UBAC2: variants seen among roughly 807,000 people sequenced by gnomAD.
UBAC2 encodes the protein ubiquitin-associated domain-containing protein 2.
In UBAC2, 26 loss-of-function variants were observed where a neutral mutation model predicts 44.0. The ratio of observed to expected loss-of-function variants is 0.59; its 90% CI spans 0.43 to 0.82. UBAC2 has a LOEUF of 0.82. UBAC2 is among the 40% of genes least tolerant of loss of function. The probability of loss-of-function intolerance (pLI) is 0.00; values close to 1 mark genes in which losing one functional copy is unlikely to be tolerated. For missense variants in UBAC2, 329 were observed against 419.4 expected, an observed-to-expected ratio of 0.78 and a Z score of 1.88; for synonymous variants, 155 against 154.3, an observed-to-expected ratio of 1.00 and a Z score of -0.04.
intron 8 of UBAC2, among the ~76,000 whole-genome samples, chr13:99,373,329 A>C (rs1245537317): frequency 6.6e-6 from 1 of 152,158 alleles, no homozygotes; most frequent in African/African-American, 2.4e-5. Flanking sequence ...CCCAAAGCTT[A>C]GAAAATGACT....
intron 4 of UBAC2, among the ~76,000 whole-genome samples, chr13:99,297,692 GAAA>G (rs1173322795): frequency 5.9e-5 from 9 of 151,806 alleles, no homozygotes; most frequent in Non-Finnish European, 1.3e-4. Context: ...GAGACAATGG[GAAA>G]AAAACAAAGA....
chr13:99,207,411 A>G (rs560006354), intron 1 of UBAC2, among the ~76,000 whole-genome samples: 1 of 152,292 alleles, frequency 6.6e-6, no homozygotes, highest in South Asian at 2.1e-4. Flanking sequence ...CAACAACTCT[A>G]TCATGTACCT....
intron 8 of UBAC2, among the ~76,000 whole-genome samples, chr13:99,380,266 G>A (rs115308847): frequency 8.1e-4 from 123 of 152,240 alleles, no homozygotes; most frequent in African/African-American, 2.8e-3. Flanking sequence ...GCACGTCTGC[G>A]CAGGCCTCAA....
chr13:99,216,110 G>GTGTGTA (rs2042992433), intron 1 of UBAC2, among the ~76,000 whole-genome samples: 1 of 140,120 alleles, frequency 7.1e-6, no homozygotes, highest in Admixed American at 7.2e-5. Flanking sequence ...GTGTGTGTGT[G>GTGTGTA]TGTATTTTTG....
intron 6 of UBAC2, among the ~76,000 whole-genome samples, chr13:99,322,412 C>G (rs140834147): frequency 2.0e-5 from 3 of 152,328 alleles, no homozygotes; most frequent in African/African-American, 7.2e-5. Context: ...CCCTAATTCT[C>G]AAAAGCCGAG....
At chr13:99,233,857 G>A (rs1256451761) in intron 1 of UBAC2, among the ~76,000 whole-genome samples, 1 of 152,124 alleles carries the variant, frequency 6.6e-6, no homozygotes, top group East Asian at 1.9e-4. Flanking sequence ...TGAAGCGTAA[G>A]TATTTCATTA....
intron 4 of UBAC2, among the ~76,000 whole-genome samples, chr13:99,259,155 A>G (rs1172337099): frequency 6.6e-6 from 1 of 152,212 alleles, no homozygotes; most frequent in African/African-American, 2.4e-5. Flanking sequence ...TGAGCAACGA[A>G]TCGCTGCCTG....
chr13:99,224,247 G>C (rs1195371064), intron 1 of UBAC2, among the ~76,000 whole-genome samples: 1 of 152,004 alleles, frequency 6.6e-6, no homozygotes, highest in African/African-American at 2.4e-5. Flanking sequence ...AGCATCCCTG[G>C]GTCCCTCCCT....
At chr13:99,324,212 A>C (rs1459999644) in intron 6 of UBAC2, among the ~76,000 whole-genome samples, 1 of 152,218 alleles carries the variant, frequency 6.6e-6, no homozygotes, top group Non-Finnish European at 1.5e-5. Flanking sequence ...TTGTTCAAAT[A>C]TATTTGGTCA....
At chr13:99,360,355 A>G (rs1269719492) in intron 7 of UBAC2, among the ~76,000 whole-genome samples, 1 of 152,254 alleles carries the variant, frequency 6.6e-6, no homozygotes, top group Non-Finnish European at 1.5e-5. Flanking sequence ...AATGTTTCAC[A>G]TGAATTAACT....
chr13:99,327,713 TTTG>T (rs1030930715), intron 6 of UBAC2, among the ~76,000 whole-genome samples: 1 of 152,246 alleles, frequency 6.6e-6, no homozygotes, highest in Admixed American at 6.5e-5. Context: ...GCAGAAGTTT[TTTG>T]TTGTTAAAAG....
intron 4 of UBAC2, among the ~76,000 whole-genome samples, chr13:99,312,219 G>A (rs1212084274): frequency 6.6e-6 from 1 of 152,234 alleles, no homozygotes; most frequent in Non-Finnish European, 1.5e-5. Context: ...TTGCGCAAGA[G>A]GCCAGGAGGG....
At chr13:99,242,834 C>T (rs1300076329) in intron 2 of UBAC2, among the ~76,000 whole-genome samples, 3 of 136,308 alleles carry the variant, frequency 2.2e-5, no homozygotes, top group South Asian at 2.5e-4. Context: ...ACTTCTCAGA[C>T]GGGGCGGCCG....
At chr13:99,310,161 TA>T (rs1423802048) in intron 4 of UBAC2, among the ~76,000 whole-genome samples, 1 of 152,088 alleles carries the variant, frequency 6.6e-6, no homozygotes, top group Non-Finnish European at 1.5e-5. Context: ...ACCCTGTTTC[TA>T]AAAAAAGTTT....
intron 7 of UBAC2, among the ~76,000 whole-genome samples, chr13:99,346,243 G>T (rs1179397532): frequency 2.0e-5 from 3 of 152,048 alleles, no homozygotes; most frequent in African/African-American, 2.4e-5. Context: ...TTCATCTCCA[G>T]TGCTGTAGTT....
At chr13:99,360,335 T>G (rs2045248336) in intron 7 of UBAC2, among the ~76,000 whole-genome samples, 1 of 152,242 alleles carries the variant, frequency 6.6e-6, no homozygotes, top group Admixed American at 6.5e-5. Flanking sequence ...TGGCTTTACG[T>G]TCTATTTTAA....
chr13:99,382,942 G>T (rs2045569953), intron 8 of UBAC2, among the ~76,000 whole-genome samples: 1 of 152,138 alleles, frequency 6.6e-6, no homozygotes, highest in Non-Finnish European at 1.5e-5. Flanking sequence ...AGGAAGGAGA[G>T]GGCTGTCACA....
intron 7 of UBAC2, among the ~76,000 whole-genome samples, chr13:99,365,154 T>C (rs1315598928): frequency 6.6e-6 from 1 of 152,200 alleles, no homozygotes; most frequent in Non-Finnish European, 1.5e-5. Context: ...TCTGCCATTA[T>C]ATCCCTTGTA....
intron 4 of UBAC2, among the ~76,000 whole-genome samples, chr13:99,306,720 A>G (rs1451199132): frequency 1.3e-5 from 2 of 152,340 alleles, no homozygotes; most frequent in South Asian, 4.1e-4. Context: ...AAGTAAACAC[A>G]AGTATAAACC....
Sources: allele counts gnomAD v4.1 joint callset (sites outside exome capture counted in the v4.1 genomes callset), GRCh38; gene constraint gnomAD v4.1.1; transcripts MANE v1.5; gene names NCBI Gene and HGNC (gene_info 2026-07-23, HGNC 2026-07-21).